The following UCK2 variants were observed in gnomAD, a reference collection of about 807,000 sequenced individuals.
UCK2 encodes the protein cytidine monophosphokinase 2.
In UCK2, 6 loss-of-function variants were observed where a neutral mutation model predicts 30.8. The ratio of observed to expected loss-of-function variants is 0.19; its 90% CI spans 0.11 to 0.38. The LOEUF is 0.38. UCK2 is among the 10% of genes least tolerant of loss of function. The pLI is 1.00. For synonymous variants in UCK2, 125 were observed against 133.6 expected (o/e 0.94, Z 0.45); for missense variants, 210 against 339.8 (o/e 0.62, Z 3.00).
chr1:165,877,112 A>G (rs1270813886), intron 1 of UCK2, among the ~76,000 whole-genome samples: 3 of 152,312 alleles, frequency 2.0e-5, no homozygotes, highest in African/African-American at 7.2e-5. Flanking sequence ...GACCCCCCCA[A>G]AATTTGTCCT....
intron 1 of UCK2, among the ~76,000 whole-genome samples, chr1:165,861,434 C>T (rs1278282842): frequency 6.6e-6 from 1 of 151,556 alleles, no homozygotes; most frequent in Non-Finnish European, 1.5e-5. Flanking sequence ...CGAGACCATC[C>T]CGGCTAAAAC....
intron 1 of UCK2, among the ~76,000 whole-genome samples, chr1:165,881,858 T>G (rs1183757921): frequency 6.6e-6 from 1 of 152,202 alleles, no homozygotes; most frequent in Non-Finnish European, 1.5e-5. Flanking sequence ...TTAATGAGAT[T>G]GGCACTTCAG....
chr1:165,835,355 A>G (rs1654161833), intron 1 of UCK2, among the ~76,000 whole-genome samples: 2 of 150,948 alleles, frequency 1.3e-5, no homozygotes, highest in South Asian at 4.2e-4. Flanking sequence ...TATTTTTAAA[A>G]TTAGTTATTA....
chr1:165,905,619 A>C (rs541758907), intron 5 of UCK2, among the ~76,000 whole-genome samples: 89 of 152,344 alleles, frequency 5.8e-4, no homozygotes, highest in African/African-American at 2.1e-3. Context: ...CTCAGTCTGG[A>C]CCATTTTCCC....
intron 1 of UCK2, among the ~76,000 whole-genome samples, chr1:165,861,411 G>A (rs552669683): frequency 1.4e-3 from 206 of 151,782 alleles, no homozygotes; most frequent in African/African-American, 4.8e-3. Flanking sequence ...GGCGGATCAC[G>A]AGGTCCGGAC....
At chr1:165,877,273 A>G (rs560169079) in intron 1 of UCK2, among the ~76,000 whole-genome samples, 2 of 128,350 alleles carry the variant, frequency 1.6e-5, no homozygotes, top group African/African-American at 2.7e-5. Flanking sequence ...TTTTTTTTAG[A>G]TAAACATTTT....
intron 1 of UCK2, among the ~76,000 whole-genome samples, chr1:165,888,259 T>A (rs902120812): frequency 6.6e-6 from 1 of 152,124 alleles, no homozygotes; most frequent in African/African-American, 2.4e-5. Flanking sequence ...CCTCTAAATA[T>A]GCTGTTTTTC....
intron 1 of UCK2, among the ~76,000 whole-genome samples, chr1:165,829,475 G>A (rs1191144211): frequency 1.3e-5 from 2 of 152,220 alleles, no homozygotes; most frequent in Non-Finnish European, 2.9e-5. Flanking sequence ...TGCCTGGCAT[G>A]TAGTGGGGTC....
chr1:165,863,981 CTTTT>C (rs1456664718), intron 1 of UCK2, among the ~76,000 whole-genome samples: 2 of 149,030 alleles, frequency 1.3e-5, no homozygotes, highest in Admixed American at 6.6e-5. Flanking sequence ...TTTTTTCCTT[CTTTT>C]CTTTTAAGAC....
chr1:165,862,503 T>C (rs1330532494), intron 1 of UCK2, among the ~76,000 whole-genome samples: 1 of 152,202 alleles, frequency 6.6e-6, no homozygotes, highest in African/African-American at 2.4e-5. Context: ...GTGCCAGCAC[T>C]TGGGAAAACT....
intron 4 of UCK2, among the ~76,000 whole-genome samples, chr1:165,898,780 T>A (rs12084653): frequency 0.1 from 15,444 of 152,226 alleles, 2,629 homozygotes; most frequent in African/African-American, 0.35. Context: ...TAGGAGCAAT[T>A]CCTACAATGG....
intron 1 of UCK2, among the ~76,000 whole-genome samples, chr1:165,873,130 A>G (rs1476931634): frequency 1.3e-5 from 2 of 152,220 alleles, no homozygotes; most frequent in Non-Finnish European, 2.9e-5. Flanking sequence ...AAGAAAACCA[A>G]AAAAACCCCC....
At chr1:165,894,163 C>T (rs1655835192) in intron 3 of UCK2, 1 of 152,128 alleles carries the variant, frequency 6.6e-6, no homozygotes, top group Admixed American at 6.5e-5. Context: ...GAAAAAAATC[C>T]AAAATTCAAA....
chr1:165,846,155 A>T (rs1654443222), intron 1 of UCK2, among the ~76,000 whole-genome samples: 3 of 152,094 alleles, frequency 2.0e-5, no homozygotes, highest in Admixed American at 2.0e-4. Context: ...AAGTAAAAAA[A>T]ATTAGCTGAG....
intron 4 of UCK2, among the ~76,000 whole-genome samples, chr1:165,901,144 G>T (rs1647446319): frequency 6.6e-6 from 1 of 152,196 alleles, no homozygotes; most frequent in South Asian, 2.1e-4. Flanking sequence ...CAGGAGCCCA[G>T]GTCCAGCGTT....
chr1:165,856,157 A>G (rs1571274507), intron 1 of UCK2, among the ~76,000 whole-genome samples: 1 of 152,302 alleles, frequency 6.6e-6, no homozygotes, highest in East Asian at 1.9e-4. Flanking sequence ...TATAAGATAC[A>G]TATGTCTGCA....
At chr1:165,905,114 G>A (rs1168964401) in intron 5 of UCK2, among the ~76,000 whole-genome samples, 1 of 152,204 alleles carries the variant, frequency 6.6e-6, no homozygotes, top group Admixed American at 6.5e-5. Flanking sequence ...TAGTGGAATA[G>A]AGGCAATTAA....
At chr1:165,855,867 C>T (rs145401431) in intron 1 of UCK2, among the ~76,000 whole-genome samples, 1 of 152,074 alleles carries the variant, frequency 6.6e-6, no homozygotes, top group African/African-American at 2.4e-5. Context: ...GGAATAGTTG[C>T]AGAGTAGAGA....
chr1:165,849,928 A>G (rs961498683), intron 1 of UCK2, among the ~76,000 whole-genome samples: 9 of 152,116 alleles, frequency 5.9e-5, no homozygotes, highest in Non-Finnish European at 1.2e-4. Flanking sequence ...TCTTCTCTGT[A>G]AATTAGGTGT....
Sources: allele counts gnomAD v4.1 joint callset (sites outside exome capture counted in the v4.1 genomes callset), GRCh38; gene constraint gnomAD v4.1.1; transcripts MANE v1.5; gene names NCBI Gene and HGNC (gene_info 2026-07-23, HGNC 2026-07-21).